The following DLC1 variants were observed in gnomAD, a reference collection of about 807,000 sequenced individuals.
The protein encoded by DLC1 is rho GTPase-activating protein 7.
DLC1 carries 54 observed loss-of-function variants against 140.3 expected under a neutral mutation model. The observed-to-expected ratio is 0.38, with a 90% CI of 0.31 to 0.48. The LOEUF is 0.48. Ranked by LOEUF, DLC1 falls within the 20% of genes least tolerant of loss-of-function variation. The pLI, the probability that DLC1 is intolerant of heterozygous loss-of-function variation, is 0.96. For synonymous variants in DLC1, 986 were observed against 728.1 expected (o/e 1.35, Z -5.70); for missense variants, 2,536 against 1,907.0 (o/e 1.33, Z -6.14).
Position 13,453,537 on chromosome 8 carries a change from TAC to T in DLC1, c.1023+45510_1023+45511del, listed in dbSNP as rs1563360836. On this transcript the variant is annotated intron_variant, in intron 2 of 17. Transcript: ENST00000276297. ...ATACATATATATATATGTATATATA[TAC>T]ATATATATATATATATATTTTTTTT... 4.9e-4 allele frequency among the ~76,000 whole-genome samples: 25 copies of T among 51,450 alleles called. 1 individual carries two copies. The highest frequency in any genetic ancestry group is 2.3e-3 in the African/African-American group (21 of 9,278). 33.8% of individuals were successfully genotyped at this position (51,450 alleles called of 152,430 possible).
chr8:13,510,290 C>T (rs1802301335), intron 1 of DLC1, among the ~76,000 whole-genome samples: 1 of 151,708 alleles, frequency 6.6e-6, no homozygotes, highest in Non-Finnish European at 1.5e-5. Flanking sequence ...TCTCCTGCCT[C>T]AGCCTCCTGA....
intron 5 of DLC1, among the ~76,000 whole-genome samples, chr8:13,141,020 C>A (rs1045603237): frequency 6.6e-6 from 1 of 151,966 alleles, no homozygotes; most frequent in South Asian, 2.1e-4. Context: ...TTTGGGAGGC[C>A]GAGGCGTGTG....
At chr8:13,313,814 G>C (rs181288159) in intron 4 of DLC1, among the ~76,000 whole-genome samples, 1 of 151,828 alleles carries the variant, frequency 6.6e-6, no homozygotes, top group Non-Finnish European at 1.5e-5. Context: ...TTTTCCCTAA[G>C]TTTTATAAAG....
intron 5 of DLC1, among the ~76,000 whole-genome samples, chr8:13,239,611 C>T (rs1209106): frequency 0.47 from 71,864 of 151,882 alleles, 17,557 homozygotes; most frequent in East Asian, 0.79. Flanking sequence ...AAGCAACCAA[C>T]GAAAAAATTA....
intron 1 of DLC1, among the ~76,000 whole-genome samples, chr8:13,584,965 T>C (rs1177838331): frequency 6.6e-6 from 1 of 152,192 alleles, no homozygotes; most frequent in Non-Finnish European, 1.5e-5. Context: ...CATTTTGGTG[T>C]ACCCAAACTG....
intron 1 of DLC1, among the ~76,000 whole-genome samples, chr8:13,592,821 C>G (rs964649375): frequency 2.6e-5 from 4 of 152,044 alleles, no homozygotes; most frequent in African/African-American, 9.7e-5. Flanking sequence ...TGTGGCTAAG[C>G]AATGATTTGT....
chr8:13,108,721 T>A (rs1819800985), intron 7 of DLC1, among the ~76,000 whole-genome samples: 1 of 152,190 alleles, frequency 6.6e-6, no homozygotes, highest in African/African-American at 2.4e-5. Context: ...TGCTTAAATA[T>A]TTCCTAAGAT....
In DLC1 at chr8:13,386,852, T is replaced by G. The variant is rs549100584; in HGVS notation, c.1314+6701A>C. Among the ~76,000 whole-genome samples the G allele has an allele frequency of 6.6e-5, 10 of 152,032 alleles. No homozygotes were observed. In the South Asian group the frequency reaches 1.0e-3, roughly 16 times the overall value. On this transcript the variant is annotated intron_variant, in intron 4 of 17. Coordinates refer to ENST00000276297, the MANE Select transcript of DLC1 (RefSeq NM_182643.3). ...TTCTTCCTTAAAAAGCTATAAATTT[T>G]GCCTATTTTTCTTTCTAATAAACAA...
Position 13,403,807 on chromosome 8 carries a change from G to GTTTT in DLC1, c.1024-2192_1024-2189dup, listed in dbSNP as rs369715973. Among the ~76,000 whole-genome samples, 83 of 87,216 alleles carry GTTTT rather than the reference G, an allele frequency of 9.5e-4. 1 individual carries two copies. Among genetic ancestry groups the GTTTT allele is most frequent in the Non-Finnish European group, 1.1e-3 (51 of 48,190 alleles). 57.2% of individuals were successfully genotyped at this position (87,216 alleles called of 152,430 possible). A position where few individuals can be genotyped will look rare whatever the true frequency, so the allele number is the denominator to read the frequency against. On this transcript the variant is annotated intron_variant, in intron 2 of 17. Transcript: ENST00000276297. ...TAGGCATGTACCACCAGGTCTGGCT[G>GTTTT]TTTTTTTTTTTTTTTTTTTTTTGGT...
rs1051098600 is a variant in DLC1 at position 13,227,494 on chromosome 8, G to A, written c.1348+77775C>T. Among the ~76,000 whole-genome samples the A allele has an allele frequency of 2.2e-4, 33 of 152,272 alleles. No homozygotes were observed. In the East Asian group the frequency reaches 3.5e-3, roughly 16 times the overall value. On this transcript the variant is annotated intron_variant, in intron 5 of 17. Coordinates refer to ENST00000276297, the MANE Select transcript of DLC1 (RefSeq NM_182643.3). ...CACACAGTACATTAGTGGTAGGGCC[G>A]AGGGTACCTGTGCTTCACTGGTAGC...
chr8:13,564,362 C>A (rs1044101153), intron 1 of DLC1, among the ~76,000 whole-genome samples: 3 of 152,140 alleles, frequency 2.0e-5, no homozygotes, highest in Non-Finnish European at 2.9e-5. Flanking sequence ...CAGTGAGATT[C>A]TTGTCACATT....
intron 1 of DLC1, among the ~76,000 whole-genome samples, chr8:13,526,624 G>T (rs989313125): frequency 5.3e-5 from 8 of 152,074 alleles, no homozygotes; most frequent in Admixed American, 2.0e-4. Flanking sequence ...CCTTTATAGG[G>T]ACATGGATGA....
At chr8:13,162,257 T>C (rs916925675) in intron 5 of DLC1, among the ~76,000 whole-genome samples, 3 of 152,162 alleles carry the variant, frequency 2.0e-5, no homozygotes, top group Non-Finnish European at 4.4e-5. Flanking sequence ...ACTTGAAGAA[T>C]ATCGAAATGA....
chr8:13,555,409 A>G (rs7846043), intron 1 of DLC1, among the ~76,000 whole-genome samples: 55,250 of 152,014 alleles, frequency 0.36, 10,282 homozygotes, highest in South Asian at 0.42. Context: ...AGGATAATGG[A>G]CACGTTTGTG....
chr8:13,387,981 A>G (rs1246569990), intron 4 of DLC1, among the ~76,000 whole-genome samples: 1 of 152,064 alleles, frequency 6.6e-6, no homozygotes, highest in African/African-American at 2.4e-5. Context: ...GTCTTCCCAG[A>G]AATGTGTAAA....
chr8:13,406,085 C>G (rs1420162971), intron 2 of DLC1, among the ~76,000 whole-genome samples: 2 of 148,818 alleles, frequency 1.3e-5, no homozygotes, highest in Non-Finnish European at 3.0e-5. Flanking sequence ...TGGCTCACTG[C>G]AACCTCTGCC....
chr8:13,372,972 G>A (rs904592859), intron 4 of DLC1, among the ~76,000 whole-genome samples: 5 of 152,164 alleles, frequency 3.3e-5, no homozygotes, highest in African/African-American at 1.2e-4. Context: ...AGTAGCTACA[G>A]GAAGCAGCAG....
intron 5 of DLC1, among the ~76,000 whole-genome samples, chr8:13,160,465 G>C (rs746992620): frequency 1.3e-5 from 2 of 152,088 alleles, no homozygotes; most frequent in Non-Finnish European, 2.9e-5. Context: ...ATCCCCACTG[G>C]GCTTTCACAG....
chr8:13,406,932 T>C (rs752273438), intron 2 of DLC1, among the ~76,000 whole-genome samples: 8 of 152,222 alleles, frequency 5.3e-5, no homozygotes, highest in Non-Finnish European at 7.3e-5. Context: ...TGTATGTCTC[T>C]TTTTCCCATT....
Sources: gnomAD v4.1 joint callset for allele counts (sites outside exome capture counted in the v4.1 genomes callset) on GRCh38, gnomAD v4.1.1 for gene constraint, MANE v1.5 for transcripts, NCBI Gene and HGNC (gene_info 2026-07-23, HGNC 2026-07-21) for gene names.